C1QTNF2: variants seen among roughly 807,000 people sequenced by gnomAD.
The protein encoded by C1QTNF2 is complement C1q tumor necrosis factor-related protein 2.
In C1QTNF2, 15 loss-of-function variants were observed where a neutral mutation model predicts 17.4. The observed-to-expected ratio is 0.86, with a 90% CI of 0.58 to 1.33. C1QTNF2 has a LOEUF of 1.33. Among genes scored for constraint, C1QTNF2 ranks in the 40% most tolerant of loss-of-function variants. The pLI is 0.00. For missense variants in C1QTNF2, 381 were observed against 392.3 expected (o/e 0.97, Z 0.24); for synonymous variants, 154 against 163.3 (o/e 0.94, Z 0.44).
At chr5:160,363,871 G>T (rs1764199258) in intron 1 of C1QTNF2, among the ~76,000 whole-genome samples, 1 of 152,300 alleles carries the variant, frequency 6.6e-6, no homozygotes, top group African/African-American at 2.4e-5. Context: ...AGATGTGAGG[G>T]GTAGAGAAGG....
chr5:160,369,103 C>T (rs2113543065), intron 1 of C1QTNF2, among the ~76,000 whole-genome samples: 1 of 151,086 alleles, frequency 6.6e-6, no homozygotes, highest in Non-Finnish European at 1.5e-5. Context: ...TATATATGTA[C>T]AGAAGGGTTG....
rs1311907392 is a variant in C1QTNF2 at position 160,349,963 on chromosome 5, G to A, written c.245-182C>T. 7.9e-5 allele frequency among the ~76,000 whole-genome samples: 12 copies of A among 152,232 alleles called. No individual in the cohort carries two copies. The highest frequency in any genetic ancestry group is 7.9e-4 in the Admixed American group (12 of 15,284). Reference sequence around the variant, plus strand: ...TGCTAGCTCTCTGGAAAATGGAAATGATGATACTTACCTTCAAGAATCACT... The same window carrying A: ...TGCTAGCTCTCTGGAAAATGGAAATAATGATACTTACCTTCAAGAATCACT... On this transcript the variant is annotated intron_variant, in intron 2 of 2. Transcript: ENST00000652664. This position sits in a 1 kb window ranked among gnomAD's most constrained non-coding sequence, Gnocchi z 4.3.
chr5:160,361,289 G>A (rs554885577), intron 1 of C1QTNF2, among the ~76,000 whole-genome samples: 195 of 152,284 alleles, frequency 1.3e-3, no homozygotes, highest in African/African-American at 4.5e-3. Flanking sequence ...ATTCCCAAGG[G>A]CCCTCTGCCC....
chr5:160,349,875 T>G lies in C1QTNF2; in HGVS notation c.245-94A>C, dbSNP rs1581031232. 1 of 1,395,304 alleles carries G rather than the reference T, an allele frequency of 7.2e-7. No homozygotes were observed. Among genetic ancestry groups the G allele is most frequent in the South Asian group, 1.5e-5 (1 of 66,754 alleles). 86.4% of individuals were successfully genotyped at this position (1,395,304 alleles called of 1,614,324 possible). A position where few individuals can be genotyped will look rare whatever the true frequency, so the allele number is the denominator to read the frequency against. On this transcript the variant is annotated intron_variant, in intron 2 of 2. Coordinates refer to ENST00000652664, the MANE Select transcript of C1QTNF2 (RefSeq NM_031908.6). The surrounding 1 kb of genome is among the most constrained non-coding windows in gnomAD (Gnocchi z 4.3). ...TGGTCTTCCAATCTTGGAGAAGGAGTGCTTGGGTAATAGAAAGAACAAGAA... is the reference window on the plus strand; with the variant it reads ...TGGTCTTCCAATCTTGGAGAAGGAGGGCTTGGGTAATAGAAAGAACAAGAA...
intron 1 of C1QTNF2, among the ~76,000 whole-genome samples, chr5:160,355,634 C>A (rs9313846): frequency 0.4 from 61,417 of 151,986 alleles, 13,412 homozygotes; most frequent in Non-Finnish European, 0.49. Context: ...CTTCACAATA[C>A]CCTTATAGAA....
chr5:160,354,626 A>G, intron 2 of C1QTNF2, 142 bp downstream of exon 2: 1 of 313,896 alleles, frequency 3.2e-6, no homozygotes, highest in Non-Finnish European at 5.5e-6. Flanking sequence ...ATATATATAT[A>G]TATATATAGA....
rs778734355 is a variant in C1QTNF2 at position 160,354,777 on chromosome 5, C to T, written c.235G>A (p.Gly79Arg). ...CGTATAGGCCTCTTACCTTCCTCTC[C>T]GCTGTCCCCCCGGTCGCCGTCGTGT... Reference protein sequence around the residue: ...DGHDGDRGDSGEEGPPGRTGN... With the variant: ...DGHDGDRGDSREEGPPGRTGN... Residue 79 changes from glycine to arginine, a missense_variant, in exon 2 of 3, where the codon GGA becomes AGA. Transcript: ENST00000652664. 21 of 1,613,552 alleles carry T rather than the reference C, an allele frequency of 1.3e-5. No homozygotes were observed. Among genetic ancestry groups the T allele is most frequent in the African/African-American group, 2.7e-5 (2 of 74,860 alleles).
intron 1 of C1QTNF2, among the ~76,000 whole-genome samples, chr5:160,362,985 T>A (rs565786172): frequency 6.6e-6 from 1 of 152,192 alleles, no homozygotes. Flanking sequence ...CTAGTTGCAA[T>A]TGAACTAAGG....
chr5:160,363,864 T>C (rs906070098), intron 1 of C1QTNF2, among the ~76,000 whole-genome samples: 1 of 152,088 alleles, frequency 6.6e-6, no homozygotes, highest in Non-Finnish European at 1.5e-5. Flanking sequence ...CTGTGCGAGA[T>C]GTGAGGGGTA....
At chr5:160,352,554 T>C (rs1383553425) in intron 2 of C1QTNF2, among the ~76,000 whole-genome samples, 1 of 152,150 alleles carries the variant, frequency 6.6e-6, no homozygotes, top group Non-Finnish European at 1.5e-5. Context: ...CCCCAGTACA[T>C]GGTAGAACTT....
Position 160,354,600 on chromosome 5 carries a change from ATAT to A in C1QTNF2, c.244+165_244+167del, listed in dbSNP as rs1561822866. On this transcript the variant is annotated intron_variant, in intron 2 of 2. Transcript: ENST00000652664. ...TCTCAAGGGGAAAAAAAAAAAAAGTATATATATATATATATATATATATATATA... is the reference window on the plus strand; with the variant it reads ...TCTCAAGGGGAAAAAAAAAAAAAGTAATATATATATATATATATATATATA... Among the ~76,000 whole-genome samples the A allele has an allele frequency of 9.6e-3, 570 of 59,224 alleles. 13 individuals carry two copies. The highest frequency in any genetic ancestry group is 0.031 in the African/African-American group (312 of 10,178). The allele number at this position is 59,224 out of a possible 152,430, so 38.9% of individuals were successfully genotyped here.
intron 2 of C1QTNF2, among the ~76,000 whole-genome samples, chr5:160,354,020 G>A (rs1443718426): frequency 1.3e-5 from 2 of 151,864 alleles, no homozygotes; most frequent in Admixed American, 1.3e-4. Context: ...GGCCTGGCTA[G>A]TCTTGAACTC....
chr5:160,355,925 T>A (rs1031136405), intron 1 of C1QTNF2, among the ~76,000 whole-genome samples: 1 of 152,182 alleles, frequency 6.6e-6, no homozygotes, highest in Non-Finnish European at 1.5e-5. Flanking sequence ...GTCTACATCA[T>A]GCGATGAGTA....
At chr5:160,358,730 A>G (rs1764096581) in intron 1 of C1QTNF2, among the ~76,000 whole-genome samples, 1 of 152,198 alleles carries the variant, frequency 6.6e-6, no homozygotes, top group South Asian at 2.1e-4. Context: ...AAACCAAGGC[A>G]GAAGCAAACT....
At chr5:160,370,428 C>G in intron 1 of C1QTNF2, 84 bp downstream of exon 1, 3 of 1,352,674 alleles carry the variant, frequency 2.2e-6, no homozygotes, top group East Asian at 3.1e-5. Context: ...GCATCCCGCC[C>G]CGCCCGCAGC....
At chr5:160,350,250 A>T (rs1027668625) in intron 2 of C1QTNF2, among the ~76,000 whole-genome samples, 6 of 152,350 alleles carry the variant, frequency 3.9e-5, no homozygotes, top group Non-Finnish European at 7.3e-5. Flanking sequence ...AGGAACAACT[A>T]AATGCCCATC....
At chr5:160,370,207 C>G (rs1354911822) in intron 1 of C1QTNF2, among the ~76,000 whole-genome samples, 1 of 152,152 alleles carries the variant, frequency 6.6e-6, no homozygotes, top group African/African-American at 2.4e-5. Context: ...AAAGTGCTAG[C>G]AGGACTTGGC....
Position 160,349,562 on chromosome 5 carries a change from G to A in C1QTNF2, c.464C>T (p.Ala155Val), listed in dbSNP as rs1469026798. 1.9e-6 allele frequency: 3 copies of A among 1,613,288 alleles called. No homozygotes were observed. The highest frequency in any genetic ancestry group is 3.3e-5 in the Admixed American group (2 of 59,978). ...CTCCCGTGGGTAGCTCTTGGTCACT[G>A]CCACCGAGAAAGCTGACTTGGTATG... Reference protein sequence around the residue: ...SGHTKSAFSVAVTKSYPRERL... With the variant: ...SGHTKSAFSVVVTKSYPRERL... The change falls in exon 3 of 3, where the codon GCA (alanine) becomes GTA (valine). Residue 155 changes from alanine to valine, a missense_variant. Coordinates refer to ENST00000652664, the MANE Select transcript of C1QTNF2 (RefSeq NM_031908.6). This position sits in a 1 kb window ranked among gnomAD's most constrained non-coding sequence, Gnocchi z 4.3.
In C1QTNF2 at chr5:160,348,980, A is replaced by G. The variant is rs1763852669; in HGVS notation, c.*188T>C. Reference sequence around the variant, plus strand: ...CAGTAGATACTTTAAAAAGAAGTGAATAAATAGATGGTTGGATGAATAAAA... The same window carrying G: ...CAGTAGATACTTTAAAAAGAAGTGAGTAAATAGATGGTTGGATGAATAAAA... On this transcript the variant is annotated 3_prime_UTR_variant, in exon 3 of 3. Transcript: ENST00000652664. 1 of 658,050 alleles carries G rather than the reference A, an allele frequency of 1.5e-6. No individual in the cohort carries two copies. Among genetic ancestry groups the G allele is most frequent in the Non-Finnish European group, 2.5e-6 (1 of 399,858 alleles). 40.8% of individuals were successfully genotyped at this position (658,050 alleles called of 1,614,324 possible).
Sources: gnomAD v4.1 joint callset for allele counts (sites outside exome capture counted in the v4.1 genomes callset) on GRCh38, gnomAD v4.1.1 for gene constraint, Gnocchi (gnomAD v3.1) non-coding constraint, MANE v1.5 for transcripts, NCBI Gene and HGNC (gene_info 2026-07-23, HGNC 2026-07-21) for gene names.